The following CCDC13 variants were observed in gnomAD, a reference collection of about 807,000 sequenced individuals.
The protein encoded by CCDC13 is coiled-coil domain-containing protein 13.
A neutral mutation model predicts 87.3 loss-of-function variants in CCDC13; 70 were observed. The observed-to-expected ratio is 0.80, with a 90% CI of 0.66 to 0.98. The LOEUF (loss-of-function observed/expected upper bound fraction) is 0.98, where lower values mean the gene tolerates loss of function less well. Ranked by LOEUF, CCDC13 falls within the 50% of genes least tolerant of loss-of-function variation. The pLI, the probability that CCDC13 is intolerant of heterozygous loss-of-function variation, is 0.00. For synonymous variants in CCDC13, 317 were observed against 360.3 expected (o/e 0.88, Z 1.36); for missense variants, 842 against 892.0 (o/e 0.94, Z 0.71).
At position 42,733,517 on chromosome 3, in the gene CCDC13, C is replaced by T; in HGVS notation, c.1464G>A (p.Lys488=). 2 of 1,614,124 alleles carry T rather than the reference C, an allele frequency of 1.2e-6. No individual in the cohort carries two copies. The highest frequency in any genetic ancestry group is 1.7e-6 in the Non-Finnish European group (2 of 1,180,026). The change falls in exon 11 of 16, where the codon AAG becomes AAA. Residue 488 remains lysine (K), a synonymous_variant. Transcript: ENST00000310232. ...CATGATCGCCTGCTGAGGCCGGGGA[C>T]TTGGTCAGGCCTGGGTCCTCCAGGA... ...TQFLEDPGLT[K]SPASAGDHVG... is the part of the protein sequence containing the mutation.
intron 5 of CCDC13, among the ~76,000 whole-genome samples, chr3:42,747,888 G>T (rs748170719): frequency 6.6e-6 from 1 of 152,200 alleles, no homozygotes; most frequent in Non-Finnish European, 1.5e-5. Flanking sequence ...CCTAATTCAG[G>T]ATCTGCCTCT....
At chr3:42,726,522 G>A (rs911591854) in intron 13 of CCDC13, among the ~76,000 whole-genome samples, 3 of 152,220 alleles carry the variant, frequency 2.0e-5, no homozygotes, top group East Asian at 3.9e-4. Flanking sequence ...ATATGGACTA[G>A]GAATTTTAGA....
intron 7 of CCDC13, 57 bp from the exon 8 acceptor site, chr3:42,743,114 C>T: frequency 6.3e-7 from 1 of 1,595,842 alleles, no homozygotes; most frequent in South Asian, 1.1e-5. Context: ...CTCTTCTACT[C>T]AGAAGTGTGA....
At chr3:42,771,572 T>C (rs755062814) in intron 1 of CCDC13, among the ~76,000 whole-genome samples, 12 of 152,070 alleles carry the variant, frequency 7.9e-5, no homozygotes. Flanking sequence ...TTGGGCAACA[T>C]AGCAAGACCA....
Position 42,758,262 on chromosome 3 carries a change from C to G in CCDC13, c.84G>C (p.Lys28Asn), listed in dbSNP as rs1238607000. The G allele has an allele frequency of 6.2e-7, 1 of 1,613,652 alleles. No homozygotes were observed. The highest frequency in any genetic ancestry group is 1.7e-5 in the Admixed American group (1 of 60,004). ...MQEMQHKRLQ[K>N]QMEKKREKEL... The stretch of plus-strand genomic sequence containing the variant: ...CTTTTTCCCTCTTTTTCTCCATCTG[C>G]TTCTGTAACCGTTTGTGCTGCATCT... The change falls in exon 2 of 16, where the codon AAG becomes AAC. Residue 28 changes from lysine (K) to asparagine (N), a missense_variant. Physicochemically the swap from Lys to Asn is moderately conservative, Grantham distance 94 (BLOSUM62 0). Coordinates refer to ENST00000310232, the MANE Select transcript of CCDC13 (RefSeq NM_144719.4).
In CCDC13 at chr3:42,752,578, C is replaced by T. The variant is rs779588921; in HGVS notation, c.510G>A (p.Arg170=). The T allele has an allele frequency of 3.7e-6, 6 of 1,614,084 alleles. No individual in the cohort carries two copies. Among genetic ancestry groups the T allele is most frequent in the Non-Finnish European group, 5.1e-6 (6 of 1,180,050 alleles). The change falls in exon 4 of 16, where the codon CGG becomes CGA. Residue 170 remains arginine (R), a synonymous_variant. Transcript: ENST00000310232. ...QLTNRIQELE[R]ELQTALTRLS... ...GAGAATGACCAAGGCCCCTCACTTC[C>T]CGCTCCAGCTCCTGGATGCGATTGG...
At chr3:42,713,752 A>G (rs935163765) in intron 13 of CCDC13, among the ~76,000 whole-genome samples, 3 of 152,220 alleles carry the variant, frequency 2.0e-5, no homozygotes, top group Admixed American at 1.3e-4. Context: ...ACGTTTTTGG[A>G]TGAATTGATA....
chr3:42,748,119 G>A (rs1210879565), intron 5 of CCDC13, among the ~76,000 whole-genome samples: 1 of 151,962 alleles, frequency 6.6e-6, no homozygotes, highest in Non-Finnish European at 1.5e-5. Flanking sequence ...CTATCTGGAT[G>A]GAAATTTTTC....
At chr3:42,704,902 A>G (rs1328264855), downstream of CCDC13, 3 of 152,164 alleles carry the variant, frequency 2.0e-5, no homozygotes, top group African/African-American at 4.8e-5. Flanking sequence ...TCCCTTTTCA[A>G]TTTTCAGACT....
intron 7 of CCDC13, among the ~76,000 whole-genome samples, chr3:42,743,600 T>TATATATATATACACATACATAC: frequency 1.6e-5 from 2 of 125,796 alleles, no homozygotes; most frequent in African/African-American, 7.2e-5. Context: ...TATATATATA[T>TATATATATATACACATACATAC]ACACACACAC....
At chr3:42,754,996 A>G (rs1699673723) in intron 3 of CCDC13, among the ~76,000 whole-genome samples, 1 of 152,192 alleles carries the variant, frequency 6.6e-6, no homozygotes, top group African/African-American at 2.4e-5. Context: ...AATACATATA[A>G]TAGTTGAGCA....
At chr3:42,736,108 C>A (rs1185423127) in intron 9 of CCDC13, among the ~76,000 whole-genome samples, 195 bp from the exon 10 acceptor site, 1 of 152,248 alleles carries the variant, frequency 6.6e-6, no homozygotes, top group Non-Finnish European at 1.5e-5. Context: ...GGACCATGTT[C>A]TTTTCCTGTC....
intron 1 of CCDC13, among the ~76,000 whole-genome samples, chr3:42,766,460 A>G (rs1407760780): frequency 6.6e-6 from 1 of 152,132 alleles, no homozygotes; most frequent in East Asian, 1.9e-4. Context: ...TGCACTAAAA[A>G]CAGCGAGTTT....
rs969714824 is a variant in CCDC13 at position 42,730,414 on chromosome 3, A to C, written c.1718+53T>G. The C allele has an allele frequency of 1.1e-5, 18 of 1,590,958 alleles. No individual in the cohort carries two copies. The Admixed American group carries it at 3.0e-4, about 27-fold the overall frequency. ...CCAGTCATAAATGAGGCCTGGCCCC[A>C]GTCCCCACCACATGCAGGCCTATGG... On this transcript the variant is annotated intron_variant, in intron 13 of 15. Transcript: ENST00000310232.
Position 42,731,223 on chromosome 3 carries a change from C to T in CCDC13, c.1596-634G>A, listed in dbSNP as rs145509721. On this transcript the variant is annotated intron_variant, in intron 12 of 15. Transcript: ENST00000310232. ...CTCTCCGCTGTGCCCCCACTTTTCC[C>T]AGTGAGACCCTGAGCTTACTTTTCT... is the stretch of plus-strand genomic sequence containing the variant. 4.9e-3 allele frequency among the ~76,000 whole-genome samples: 744 copies of T among 152,056 alleles called. 7 individuals carry two copies. Among genetic ancestry groups the T allele is most frequent in the African/African-American group, 0.017 (716 of 41,448 alleles).
chr3:42,736,411 TG>T (rs1699023920), intron 9 of CCDC13, among the ~76,000 whole-genome samples: 1 of 152,050 alleles, frequency 6.6e-6, no homozygotes, highest in Admixed American at 6.5e-5. Context: ...TTGGAACAGG[TG>T]GGGGCTGTTG....
chr3:42,735,582 G>A, intron 10 of CCDC13, 125 bp downstream of exon 10: 6 of 958,780 alleles, frequency 6.3e-6, no homozygotes, highest in Non-Finnish European at 9.7e-6. Context: ...AGAAGCAGGT[G>A]GCCAAAGTGG....
chr3:42,706,122 C>T lies in CCDC13; in HGVS notation c.*2858G>A, dbSNP rs1698172200. 1 of 152,322 alleles carries T rather than the reference C, an allele frequency of 6.6e-6. No individual in the cohort carries two copies. Among genetic ancestry groups the T allele is most frequent in the Admixed American group, 6.5e-5 (1 of 15,290 alleles). 9.4% of individuals were successfully genotyped at this position (152,322 alleles called of 1,614,324 possible). A position where few individuals can be genotyped will look rare whatever the true frequency, so the allele number is the denominator to read the frequency against. ...AGGAGGAAGCAAGTCAGATTCACCT[C>T]TAGGTCCCTCCCAGGCCTGGAGAGG... On this transcript the variant is annotated 3_prime_UTR_variant, in exon 16 of 16. Transcript: ENST00000310232.
At chr3:42,739,554 G>A in intron 9 of CCDC13, 80 bp downstream of exon 9, 3 of 1,454,368 alleles carry the variant, frequency 2.1e-6, no homozygotes, top group East Asian at 2.3e-5. Flanking sequence ...GTGAGTGAGG[G>A]CTCACTCTGG....
Sources: gnomAD v4.1 joint callset for allele counts (sites outside exome capture counted in the v4.1 genomes callset) on GRCh38, gnomAD v4.1.1 for gene constraint, MANE v1.5 for transcripts, NCBI Gene and HGNC (gene_info 2026-07-23, HGNC 2026-07-21) for gene names.